The following FRMPD1 variants were observed in gnomAD, a reference collection of about 807,000 sequenced individuals.
The protein encoded by FRMPD1 is FERM and PDZ domain-containing protein 1.
Under a neutral mutation model 117.8 loss-of-function variants are expected in FRMPD1, and 76 were observed. The ratio of observed to expected loss-of-function variants is 0.65; its 90% confidence interval spans 0.54 to 0.78. FRMPD1 has a LOEUF of 0.78. FRMPD1 is among the 30% of genes least tolerant of loss of function. The pLI, the probability that FRMPD1 is intolerant of heterozygous loss-of-function variation, is 0.00. For missense variants in FRMPD1, 1,786 were observed against 1,964.5 expected (o/e 0.91, Z 1.72); for synonymous variants, 783 against 770.4 (o/e 1.02, Z -0.27).
At chr9:37,637,688 TC>T in the FRMPD1 span, among the ~76,000 whole-genome samples, 1 of 152,200 alleles carries the variant, frequency 6.6e-6, no homozygotes, top group Non-Finnish European at 1.5e-5. Flanking sequence ...TCCAGGGCCA[TC>T]ACTTAATCTC....
chr9:37,739,768 C>T (rs997793924), intron 14 of FRMPD1, among the ~76,000 whole-genome samples: 1 of 152,166 alleles, frequency 6.6e-6, no homozygotes, highest in Non-Finnish European at 1.5e-5. Flanking sequence ...CAGTGCTGCC[C>T]ACACAAAGAG....
chr9:37,729,617 G>A (rs1270831495), intron 7 of FRMPD1, 111 bp from the exon 8 acceptor site: 2 of 1,106,984 alleles, frequency 1.8e-6, no homozygotes, highest in Non-Finnish European at 1.3e-6. Context: ...GTCAGCAGTG[G>A]GCATGTCAGT....
rs73445193 is a variant in FRMPD1 at position 37,736,845 on chromosome 9, G to A, written c.1402-251G>A. 4.9e-3 allele frequency among the ~76,000 whole-genome samples: 736 copies of A among 149,844 alleles called. 7 individuals are homozygous for A. The highest frequency in any genetic ancestry group is 0.017 in the African/African-American group (689 of 40,622). ...GGACCCACTGTGTGTGAGTGAGTGT[G>A]TGAGTGCGTGAGAGTGTGTGTGTGT... is the stretch of plus-strand genomic sequence containing the variant. On this transcript the variant is annotated intron_variant, in intron 13 of 15. Coordinates refer to ENST00000377765, the MANE Select transcript of FRMPD1 (RefSeq NM_014907.3).
At chr9:37,696,969 T>C (rs1288229772) in intron 2 of FRMPD1, among the ~76,000 whole-genome samples, 2 of 149,912 alleles carry the variant, frequency 1.3e-5, no homozygotes, top group Non-Finnish European at 3.0e-5. Flanking sequence ...ACTAAACAAA[T>C]TGATAACTTT....
chr9:37,611,413 G>A, the FRMPD1 span, among the ~76,000 whole-genome samples: 1 of 152,170 alleles, frequency 6.6e-6, no homozygotes, highest in Admixed American at 6.5e-5. Context: ...TTGCTTGCAG[G>A]AAGCCTTACT....
chr9:37,657,858 G>A (rs925576074), intron 1 of FRMPD1, among the ~76,000 whole-genome samples: 1 of 151,768 alleles, frequency 6.6e-6, no homozygotes, highest in Non-Finnish European at 1.5e-5. Flanking sequence ...AATTCCCCTA[G>A]CATACCCAGC....
chr9:37,606,118 G>T, the FRMPD1 span, among the ~76,000 whole-genome samples: 1 of 152,330 alleles, frequency 6.6e-6, no homozygotes, highest in African/African-American at 2.4e-5. Flanking sequence ...TAGGGGCTAA[G>T]GTTATGGCAG....
rs887707534 is a variant in FRMPD1 at position 37,652,369 on chromosome 9, G to A, written c.-5+1275G>A. On this transcript the variant is annotated intron_variant, in intron 1 of 15. Coordinates refer to ENST00000377765, the MANE Select transcript of FRMPD1 (RefSeq NM_014907.3). ...GGCACAGTCACAGCAAAACAAGCAC[G>A]AGGTAGTTAACTGTGATATGCTAGA... is the stretch of plus-strand genomic sequence containing the variant. 1.3e-5 allele frequency among the ~76,000 whole-genome samples: 2 copies of A among 152,176 alleles called. 1 individual carries two copies. The highest frequency in any genetic ancestry group is 4.1e-4 in the South Asian group (2 of 4,824).
At chr9:37,666,603 C>T (rs1821167555) in intron 1 of FRMPD1, among the ~76,000 whole-genome samples, 1 of 152,156 alleles carries the variant, frequency 6.6e-6, no homozygotes, top group Non-Finnish European at 1.5e-5. Context: ...CTGCACAAAG[C>T]CTTCCCTGAT....
intron 1 of FRMPD1, among the ~76,000 whole-genome samples, chr9:37,686,413 T>C (rs1228600269): frequency 2.0e-5 from 3 of 152,250 alleles, no homozygotes; most frequent in Non-Finnish European, 4.4e-5. Flanking sequence ...TTCTTGGCAG[T>C]GGGACCGTAG....
rs112633084 is a variant in FRMPD1 at position 37,700,887 on chromosome 9, G to C, written c.102-6529G>C. On this transcript the variant is annotated intron_variant, in intron 2 of 15. Transcript: ENST00000377765. Reference sequence around the variant, plus strand: ...CAAAGGCAGCAGAAACATGTTTTGAGATCAGTGCTTAGTTTGATATTTATA... The same window carrying C: ...CAAAGGCAGCAGAAACATGTTTTGACATCAGTGCTTAGTTTGATATTTATA... Among the ~76,000 whole-genome samples the C allele has an allele frequency of 4.1e-4, 62 of 152,290 alleles. 1 individual carries two copies. The Middle Eastern group carries it at 0.017, about 42-fold the overall frequency.
chr9:37,618,911 T>C, the FRMPD1 span, among the ~76,000 whole-genome samples: 1 of 152,216 alleles, frequency 6.6e-6, no homozygotes, highest in Admixed American at 6.5e-5. Flanking sequence ...CATGTCATCC[T>C]CTGTTGCACT....
rs1462693179 is a variant in FRMPD1 at position 37,729,800 on chromosome 9, C to T, written c.685C>T (p.Gln229Ter). The T allele has an allele frequency of 6.2e-7, 1 of 1,613,876 alleles. No individual in the cohort carries two copies. The highest frequency in any genetic ancestry group is 8.5e-7 in the Non-Finnish European group (1 of 1,179,906). ...IEYFALALEE[Q>*]YSISRLHLLH... ...GTACTTTGCACTGGCCCTGGAAGAG[C>T]AGTACAGCATCTCCCGGCTGCACCT... The change falls in exon 8 of 16, where the codon CAG becomes TAG. Residue 229 changes from glutamine (Q) to a stop codon, truncating the protein, a stop_gained. Transcript: ENST00000377765. LOFTEE classifies it high-confidence loss of function.
At chr9:37,734,598 TA>T (rs1363864182) in intron 12 of FRMPD1, among the ~76,000 whole-genome samples, 1 of 151,940 alleles carries the variant, frequency 6.6e-6, no homozygotes, top group African/African-American at 2.4e-5. Flanking sequence ...AGTGGGGTTT[TA>T]AAAAAATATT....
At chr9:37,640,085 A>G in the FRMPD1 span, among the ~76,000 whole-genome samples, 9 of 152,114 alleles carry the variant, frequency 5.9e-5, no homozygotes, top group African/African-American at 2.2e-4. Flanking sequence ...GCCTCAAGCA[A>G]ATGGTTTAAC....
intron 8 of FRMPD1, among the ~76,000 whole-genome samples, chr9:37,730,331 TA>T (rs376052251): frequency 1.3e-5 from 2 of 152,314 alleles, no homozygotes; most frequent in African/African-American, 4.8e-5. Flanking sequence ...AACCATTCAA[TA>T]ATATGTTGTA....
chr9:37,641,844 C>T, the FRMPD1 span, among the ~76,000 whole-genome samples: 1 of 152,256 alleles, frequency 6.6e-6, no homozygotes, highest in African/African-American at 2.4e-5. Flanking sequence ...TTTAGATTTA[C>T]TCTGCTTATG....
chr9:37,636,690 A>G, the FRMPD1 span: 1 of 1,552,218 alleles, frequency 6.4e-7, no homozygotes. Flanking sequence ...TGCCCCTCCT[A>G]GCAACAACCA....
intron 2 of FRMPD1, among the ~76,000 whole-genome samples, chr9:37,703,314 C>T (rs974278033): frequency 3.9e-5 from 6 of 152,158 alleles, no homozygotes. Context: ...TAATAGTACT[C>T]CATAGCCCTT....
Sources: gnomAD v4.1 joint callset for allele counts (sites outside exome capture counted in the v4.1 genomes callset) on GRCh38, gnomAD v4.1.1 for gene constraint, MANE v1.5 for transcripts, NCBI Gene and HGNC (gene_info 2026-07-23, HGNC 2026-07-21) for gene names.